Variants in FMN2 observed in about 807,000 individuals in gnomAD.
FMN2 encodes formin 2.
FMN2 carries 51 observed loss-of-function variants against 142.3 expected under a neutral mutation model. That is an observed-to-expected ratio of 0.36 (90% CI 0.29 to 0.45). The LOEUF (loss-of-function observed/expected upper bound fraction) is 0.45, where lower values mean the gene tolerates loss of function less well. FMN2 is among the 20% of genes least tolerant of loss of function. The pLI, the probability that FMN2 is intolerant of heterozygous loss-of-function variation, is 1.00. For missense variants in FMN2, 1,936 were observed against 2,122.8 expected (o/e 0.91, Z 1.73); for synonymous variants, 882 against 869.8 (o/e 1.01, Z -0.25).
At chr1:240,326,738 G>T (rs779377991) in intron 8 of FMN2, among the ~76,000 whole-genome samples, 32 of 151,702 alleles carry the variant, frequency 2.1e-4, no homozygotes, top group Admixed American at 1.2e-3. Context: ...TGAGGTTTTG[G>T]GTATAGAAAG....
intron 2 of FMN2, among the ~76,000 whole-genome samples, chr1:240,157,324 G>A (rs1427441964): frequency 1.3e-5 from 2 of 152,220 alleles, no homozygotes; most frequent in Non-Finnish European, 2.9e-5. Flanking sequence ...GTAGAAATCT[G>A]TGGGAGTATG....
At chr1:240,447,011 A>G (rs2103199183) in intron 16 of FMN2, among the ~76,000 whole-genome samples, 1 of 152,318 alleles carries the variant, frequency 6.6e-6, no homozygotes, top group Non-Finnish European at 1.5e-5. Flanking sequence ...GGATAATCAA[A>G]GACTATTCCT....
chr1:240,093,423 T>G lies in FMN2; in HGVS notation c.1314T>G (p.Asn438Lys). 1 of 1,613,288 alleles carries G rather than the reference T, an allele frequency of 6.2e-7. No homozygotes were observed. Among genetic ancestry groups the G allele is most frequent in the Non-Finnish European group, 8.5e-7 (1 of 1,179,672 alleles). ...SPNHSPSQSP[N>K]QSPRIKRRPE... Reference sequence around the variant, plus strand: ...ATCACTCCCCGTCTCAGTCCCCTAATCAGAGCCCCAGGATCAAGAGGCGGC... The same window carrying G: ...ATCACTCCCCGTCTCAGTCCCCTAAGCAGAGCCCCAGGATCAAGAGGCGGC... Residue 438 changes from asparagine (N) to lysine (K), a missense_variant, in exon 1 of 18, where the codon AAT (asparagine) becomes AAG (lysine). By Grantham distance (94) the Asn-to-Lys change is moderately conservative. Around this residue, in one of 8 missense-constraint regions of FMN2, gnomAD observed 751 missense variants for 791.8 expected, o/e 0.95. Coordinates refer to ENST00000319653, the MANE Select transcript of FMN2 (RefSeq NM_020066.5).
At chr1:240,185,702 T>A (rs1665417603) in intron 3 of FMN2, among the ~76,000 whole-genome samples, 1 of 152,214 alleles carries the variant, frequency 6.6e-6, no homozygotes, top group South Asian at 2.1e-4. Flanking sequence ...TTTATGCATT[T>A]CTAATGTAAA....
At chr1:240,415,810 G>T (rs12076779) in intron 15 of FMN2, among the ~76,000 whole-genome samples, 2,122 of 152,284 alleles carry the variant, frequency 0.014, 53 homozygotes, top group African/African-American at 0.049. Context: ...GCTGCTATAA[G>T]AGCTGCAAAG....
At chr1:240,412,910 CAGG>C (rs1674446717) in intron 15 of FMN2, among the ~76,000 whole-genome samples, 1 of 151,704 alleles carries the variant, frequency 6.6e-6, no homozygotes, top group Non-Finnish European at 1.5e-5. Flanking sequence ...ATCACGAGGT[CAGG>C]AGATCGAGAC....
At chr1:240,283,888 A>G (rs78120337) in intron 7 of FMN2, among the ~76,000 whole-genome samples, 1 of 152,160 alleles carries the variant, frequency 6.6e-6, no homozygotes, top group Non-Finnish European at 1.5e-5. Flanking sequence ...CCAGGTGACC[A>G]TAGGAAACTG....
intron 2 of FMN2, among the ~76,000 whole-genome samples, chr1:240,163,341 TTA>T (rs1664355075): frequency 6.6e-6 from 1 of 152,218 alleles, no homozygotes; most frequent in South Asian, 2.1e-4. Flanking sequence ...GTGTTTTTCC[TTA>T]GAGCTCTGCC....
At chr1:240,358,970 C>T (rs1672374201) in intron 14 of FMN2, among the ~76,000 whole-genome samples, 1 of 152,138 alleles carries the variant, frequency 6.6e-6, no homozygotes, top group African/African-American at 2.4e-5. Context: ...ACTAAAAATA[C>T]AAAAGTTAGC....
intron 1 of FMN2, among the ~76,000 whole-genome samples, chr1:240,097,867 T>C (rs570862800): frequency 6.6e-6 from 1 of 152,056 alleles, no homozygotes; most frequent in Non-Finnish European, 1.5e-5. Flanking sequence ...ATTTTTCGAA[T>C]GAAAAAACCC....
At chr1:240,422,649 T>C (rs4604683) in intron 15 of FMN2, among the ~76,000 whole-genome samples, 6,557 of 152,310 alleles carry the variant, frequency 0.043, 472 homozygotes, top group African/African-American at 0.15. Flanking sequence ...TTTTGTAGAT[T>C]CCTTGGCATT....
intron 8 of FMN2, among the ~76,000 whole-genome samples, chr1:240,324,309 T>G (rs1374055961): frequency 6.6e-6 from 1 of 152,144 alleles, no homozygotes; most frequent in Non-Finnish European, 1.5e-5. Context: ...AGGGCATTAT[T>G]TGAAAATTGG....
At chr1:240,307,039 A>G (rs1281061002) in intron 8 of FMN2, among the ~76,000 whole-genome samples, 3 of 152,038 alleles carry the variant, frequency 2.0e-5, no homozygotes, top group Non-Finnish European at 4.4e-5. Flanking sequence ...GCTGCTTGTT[A>G]TCATCTTTTG....
At chr1:240,290,927 C>T (rs971425215) in intron 7 of FMN2, among the ~76,000 whole-genome samples, 6 of 151,754 alleles carry the variant, frequency 4.0e-5, no homozygotes, top group African/African-American at 1.5e-4. Flanking sequence ...GATTATCCTG[C>T]CTTAGCCTCC....
intron 2 of FMN2, among the ~76,000 whole-genome samples, chr1:240,162,326 T>C (rs887497430): frequency 6.6e-6 from 1 of 151,764 alleles, no homozygotes; most frequent in African/African-American, 2.4e-5. Flanking sequence ...TAGCCGGGCG[T>C]GGTGGCAGTT....
intron 4 of FMN2, among the ~76,000 whole-genome samples, chr1:240,199,747 T>C (rs1466401214): frequency 2.0e-5 from 3 of 152,000 alleles, no homozygotes; most frequent in African/African-American, 7.3e-5. Flanking sequence ...GTACAAATAA[T>C]CTCAAAATTG....
At chr1:240,285,936 G>A (rs1324341822) in intron 7 of FMN2, among the ~76,000 whole-genome samples, 1 of 151,656 alleles carries the variant, frequency 6.6e-6, no homozygotes, top group Non-Finnish European at 1.5e-5. Context: ...AACATCCCTT[G>A]TAGAGGCTTC....
At chr1:240,382,102 G>A (rs1401937477) in intron 14 of FMN2, among the ~76,000 whole-genome samples, 1 of 152,062 alleles carries the variant, frequency 6.6e-6, no homozygotes, top group East Asian at 1.9e-4. Context: ...AAGATAACTA[G>A]ACCTAATAAA....
At chr1:240,266,795 A>G (rs1463046779) in intron 7 of FMN2, among the ~76,000 whole-genome samples, 1 of 152,194 alleles carries the variant, frequency 6.6e-6, no homozygotes, top group East Asian at 1.9e-4. Context: ...ATAAAGCCAC[A>G]CATCTACAGT....
Sources: gnomAD v4.1 joint callset for allele counts (sites outside exome capture counted in the v4.1 genomes callset) on GRCh38, gnomAD v4.1.1 for gene constraint, gnomAD v4.1.1 regional missense constraint, MANE v1.5 for transcripts, NCBI Gene and HGNC (gene_info 2026-07-23, HGNC 2026-07-21) for gene names.